PON3: variants seen among roughly 807,000 people sequenced by gnomAD.
PON3 encodes the protein paraoxonase 3, also known as serum paraoxonase/lactonase 3.
A neutral mutation model predicts 36.3 loss-of-function variants in PON3; 37 were observed. The observed-to-expected ratio is 1.02, with a 90% CI of 0.78 to 1.34. PON3 has a LOEUF of 1.34. Ranked by LOEUF, PON3 falls within the 40% of genes most tolerant of loss-of-function variation. The pLI, the probability that PON3 is intolerant of heterozygous loss-of-function variation, is 0.00. For missense variants in PON3, 415 were observed against 426.5 expected (o/e 0.97, Z 0.24); for synonymous variants, 155 against 154.8 (o/e 1.00, Z -0.01).
intron 3 of PON3, among the ~76,000 whole-genome samples, chr7:95,386,675 C>CA (rs1456187903): frequency 6.6e-6 from 1 of 152,058 alleles, no homozygotes; most frequent in African/African-American, 2.4e-5. Flanking sequence ...AGAGACACAA[C>CA]AAAAATAGAT....
chr7:95,367,224 G>T, intron 5 of PON3, 138 bp downstream of exon 5: 2 of 1,045,240 alleles, frequency 1.9e-6, no homozygotes, highest in Non-Finnish European at 2.8e-6. Flanking sequence ...AGTCACCATG[G>T]GAATCATTAG....
chr7:95,390,206 C>T lies in PON3; in HGVS notation c.149G>A (p.Ser50Asn). 2 of 1,610,808 alleles carry T rather than the reference C, an allele frequency of 1.2e-6. No homozygotes were observed. Among genetic ancestry groups the T allele is most frequent in the Non-Finnish European group, 1.7e-6 (2 of 1,177,178 alleles). The stretch of plus-strand genomic sequence containing the variant: ...AAGTATATCAATATCTTCAGAGCCA[C>T]TTTCTGCAAAAGAAGGGTAGAATCA... ...ENCHLIEELE[S>N]GSEDIDILPS... Residue 50 changes from serine (S) to asparagine (N), a missense_variant, in exon 3 of 9, where the codon AGT (serine) becomes AAT (asparagine). By Grantham distance (46) the Ser-to-Asn change is conservative. Transcript: ENST00000265627.
At chr7:95,377,864 C>T (rs907573787) in intron 3 of PON3, among the ~76,000 whole-genome samples, 7 of 152,168 alleles carry the variant, frequency 4.6e-5, no homozygotes, top group Non-Finnish European at 8.8e-5. Flanking sequence ...CAAAGAATCA[C>T]AGCTCCTTGC....
Position 95,372,246 on chromosome 7 carries a change from T to C in PON3, c.294A>G (p.Gln98=). ...MDLNEQNPRA[Q]ALEISGGFDK... Reference sequence around the variant, plus strand: ...CAAATCCACCACTGATTTCTAGCGCTTGTGCCCTTGGGTTTTGTTCATTCA... The same window carrying C: ...CAAATCCACCACTGATTTCTAGCGCCTGTGCCCTTGGGTTTTGTTCATTCA... Residue 98 remains glutamine, a synonymous_variant, in exon 4 of 9, where the codon CAA becomes CAG. Transcript: ENST00000265627. The C allele has an allele frequency of 2.5e-6, 4 of 1,613,942 alleles. No individual in the cohort carries two copies. The highest frequency in any genetic ancestry group is 3.4e-6 in the Non-Finnish European group (4 of 1,179,862).
At chr7:95,386,584 A>C (rs1318082621) in intron 3 of PON3, among the ~76,000 whole-genome samples, 3 of 152,236 alleles carry the variant, frequency 2.0e-5, no homozygotes, top group Non-Finnish European at 2.9e-5. Flanking sequence ...TCCTTCTGAA[A>C]CTATTCCAAT....
At chr7:95,364,713 A>C (rs753306632) in intron 5 of PON3, 52 of 156,786 alleles carry the variant, frequency 3.3e-4, no homozygotes, top group Non-Finnish European at 6.4e-4. Context: ...TTGAGCCACC[A>C]AGATGTTAGG....
intron 4 of PON3, among the ~76,000 whole-genome samples, chr7:95,371,736 T>C (rs1336555115): frequency 6.6e-6 from 1 of 152,212 alleles, no homozygotes; most frequent in Non-Finnish European, 1.5e-5. Flanking sequence ...CTCTCATTCT[T>C]TGGGTTGTTT....
chr7:95,390,218 G>A lies in PON3; in HGVS notation c.146-9C>T, dbSNP rs1327267322. On this transcript the variant is annotated splice_polypyrimidine_tract_variant and intron_variant, in intron 2 of 8. Transcript: ENST00000265627. ...ATCTTCAGAGCCACTTTCTGCAAAAGAAGGGTAGAATCAGAAAAATGCATA... is the reference window on the plus strand; with the variant it reads ...ATCTTCAGAGCCACTTTCTGCAAAAAAAGGGTAGAATCAGAAAAATGCATA... 1.9e-6 allele frequency: 3 copies of A among 1,607,256 alleles called. No individual in the cohort carries two copies. The highest frequency in any genetic ancestry group is 4.5e-5 in the East Asian group (2 of 44,842).
chr7:95,372,485 T>G (rs1050167216), intron 3 of PON3, 147 bp from the exon 4 acceptor site: 22 of 860,548 alleles, frequency 2.6e-5, no homozygotes, highest in Non-Finnish European at 3.8e-5. Context: ...GTCAGCTGTT[T>G]CCATGATCTG....
intron 5 of PON3, among the ~76,000 whole-genome samples, chr7:95,367,121 G>A (rs944056503): frequency 3.3e-5 from 5 of 152,180 alleles, no homozygotes; most frequent in African/African-American, 4.8e-5. Flanking sequence ...ATTTAATTGA[G>A]CACCTTTATA....
At chr7:95,361,243 G>T (rs1209771633) in intron 8 of PON3, among the ~76,000 whole-genome samples, 1 of 152,030 alleles carries the variant, frequency 6.6e-6, no homozygotes, top group Non-Finnish European at 1.5e-5. Flanking sequence ...TTTTTAAGAA[G>T]CTGTGACTAA....
rs549998151 is a variant in PON3, at chr7:95,367,397, T to C, written c.459A>G (p.Val153=). 114 of 1,613,328 alleles carry C rather than the reference T, an allele frequency of 7.1e-5. No homozygotes were observed. The South Asian group carries it at 1.2e-3, about 17-fold the overall frequency. The change falls in exon 5 of 9, where the codon GTA becomes GTG. Residue 153 remains valine, a synonymous_variant. Transcript: ENST00000265627. ...GTTCATGTTTTATAGTTTTCAGGTA[T>C]ACCAGAGAACGTTGTTGTTCCTCAA... is the stretch of plus-strand genomic sequence containing the variant. ...FKFEEQQRSL[V]YLKTIKHELL...
Position 95,359,923 on chromosome 7 carries a change from AC to A in PON3, c.*49del, listed in dbSNP as rs1425106655. On this transcript the variant is annotated 3_prime_UTR_variant, in exon 9 of 9. Coordinates refer to ENST00000265627, the MANE Select transcript of PON3 (RefSeq NM_000940.3). ...CCACTTATCATACAATTATCAGTTT[AC>A]TTTTACAAAATATGTAGACTTTTTT... 2 of 1,549,328 alleles carry A rather than the reference AC, an allele frequency of 1.3e-6. No individual in the cohort carries two copies. Among genetic ancestry groups the A allele is most frequent in the African/African-American group, 2.8e-5 (2 of 71,556 alleles).
intron 3 of PON3, among the ~76,000 whole-genome samples, chr7:95,380,380 G>A (rs1809019765): frequency 6.6e-6 from 1 of 152,180 alleles, no homozygotes; most frequent in South Asian, 2.1e-4. Flanking sequence ...GAGAGAAGAA[G>A]GTTTCAGACA....
intron 3 of PON3, among the ~76,000 whole-genome samples, chr7:95,382,416 T>C (rs1300478922): frequency 1.3e-5 from 2 of 152,106 alleles, no homozygotes; most frequent in African/African-American, 4.8e-5. Flanking sequence ...ATCCAGGAGC[T>C]GGTATTTTGA....
intron 3 of PON3, among the ~76,000 whole-genome samples, chr7:95,383,986 G>A (rs1200550275): frequency 6.6e-6 from 1 of 152,146 alleles, no homozygotes; most frequent in Admixed American, 6.5e-5. Context: ...AAACAGCATG[G>A]TACTGGTACC....
chr7:95,368,394 G>A (rs1808742078), intron 4 of PON3, among the ~76,000 whole-genome samples: 1 of 152,218 alleles, frequency 6.6e-6, no homozygotes, highest in African/African-American at 2.4e-5. Flanking sequence ...ATTAAGGAAA[G>A]GTGCTTGCTC....
In PON3 at chr7:95,362,459, A is replaced by G; in HGVS notation, c.809T>C (p.Leu270Pro). 1 of 1,613,776 alleles carries G rather than the reference A, an allele frequency of 6.2e-7. No homozygotes were observed. Among genetic ancestry groups the G allele is most frequent in the Non-Finnish European group, 8.5e-7 (1 of 1,179,788 alleles). ...VIQLGTLVDN[L>P]TVDPATGDIL... ...GTCTCCTGTGGCAGGATCGACAGTC[A>G]GGTTATCCACTAAGGTGCCCAACTG... The change falls in exon 8 of 9, where the codon CTG (leucine) becomes CCG (proline). Residue 270 changes from leucine to proline, a missense_variant. Leu to Pro is a moderately conservative substitution (Grantham distance 98). Coordinates refer to ENST00000265627, the MANE Select transcript of PON3 (RefSeq NM_000940.3).
chr7:95,372,324 T>C lies in PON3; in HGVS notation c.216A>G (p.Pro72=), dbSNP rs1808826097. The C allele has an allele frequency of 6.2e-7, 1 of 1,613,770 alleles. No homozygotes were observed. Among genetic ancestry groups the C allele is most frequent in the Admixed American group, 1.7e-5 (1 of 59,978 alleles). ...LAFISSGLKY[P]GMPNFAPDEP... is the part of the protein sequence containing the mutation. ...CATCTGGCGCAAAGTTTGGCATGCCTGGATATTTTAATCCCTTTTAAAAAT... is the reference window on the plus strand; with the variant it reads ...CATCTGGCGCAAAGTTTGGCATGCCCGGATATTTTAATCCCTTTTAAAAAT... Residue 72 remains proline, a synonymous_variant, in exon 4 of 9, where the codon CCA becomes CCG. Transcript: ENST00000265627.
Sources: allele counts gnomAD v4.1 joint callset (sites outside exome capture counted in the v4.1 genomes callset), GRCh38; gene constraint gnomAD v4.1.1; transcripts MANE v1.5; gene names NCBI Gene and HGNC (gene_info 2026-07-23, HGNC 2026-07-21).